The following ZBTB16 variants were observed in gnomAD, a reference collection of about 807,000 sequenced individuals.
ZBTB16 encodes the protein zinc finger and BTB domain-containing protein 16.
A neutral mutation model predicts 56.8 loss-of-function variants in ZBTB16; 8 were observed. The ratio of observed to expected loss-of-function variants is 0.14; its 90% CI spans 0.08 to 0.25. The LOEUF (loss-of-function observed/expected upper bound fraction) is 0.25, where lower values mean the gene tolerates loss of function less well. Among genes scored for constraint, ZBTB16 ranks in the 10% least tolerant of loss-of-function variants. ZBTB16 has a pLI of 1.00. For synonymous variants in ZBTB16, 363 were observed against 368.5 expected, an observed-to-expected ratio of 0.98 and a Z score of 0.17; for missense variants, 625 against 903.0, an observed-to-expected ratio of 0.69 and a Z score of 3.95.
At chr11:114,069,274 A>G (rs1041028370) in intron 2 of ZBTB16, among the ~76,000 whole-genome samples, 4 of 151,898 alleles carry the variant, frequency 2.6e-5, no homozygotes, top group Middle Eastern at 3.4e-3. Flanking sequence ...TTTAGTAGAG[A>G]CAGGGTTTCA....
chr11:114,156,478 ATCTCC>A, intron 3 of ZBTB16, 44 bp downstream of exon 3: 1 of 1,587,660 alleles, frequency 6.3e-7, no homozygotes, highest in Non-Finnish European at 8.6e-7. Flanking sequence ...ACAGGCAACC[ATCTCC>A]TGCTTGCCTT....
intron 2 of ZBTB16, among the ~76,000 whole-genome samples, chr11:114,080,989 C>T (rs1273001262): frequency 6.6e-6 from 1 of 152,132 alleles, no homozygotes; most frequent in African/African-American, 2.4e-5. Context: ...GCAGCATGCT[C>T]ATTTGGGAGG....
chr11:114,223,730 T>C (rs1944281471), intron 4 of ZBTB16, among the ~76,000 whole-genome samples: 1 of 152,104 alleles, frequency 6.6e-6, no homozygotes, highest in Non-Finnish European at 1.5e-5. Context: ...ATTGTTATAT[T>C]GGAGGTATAA....
At chr11:114,209,729 G>T in intron 4 of ZBTB16, 4 of 985,434 alleles carry the variant, frequency 4.1e-6, no homozygotes, top group Non-Finnish European at 4.8e-6. Context: ...AGGCCCCCAG[G>T]CATGTTCACC....
At chr11:114,183,103 G>C (rs987615698) in intron 3 of ZBTB16, among the ~76,000 whole-genome samples, 1 of 110,780 alleles carries the variant, frequency 9.0e-6, no homozygotes, top group African/African-American at 4.1e-5. Context: ...TGGAGAGCTG[G>C]GGGGGAAGTC....
At position 114,250,056 on chromosome 11, in the gene ZBTB16, A is replaced by G. The variant is rs568496931; in HGVS notation, c.1793-270A>G. On this transcript the variant is annotated intron_variant, in intron 6 of 6. Transcript: ENST00000335953. This position sits in a 1 kb window ranked among gnomAD's most constrained non-coding sequence, Gnocchi z 6.0. ...AGTAAGACAAGGAGCTGGGCAATCCAGTAGTCAACTAGCTACATGTAGCTA... is the reference window on the plus strand; with the variant it reads ...AGTAAGACAAGGAGCTGGGCAATCCGGTAGTCAACTAGCTACATGTAGCTA... Among the ~76,000 whole-genome samples, 1 of 152,346 alleles carries G rather than the reference A, an allele frequency of 6.6e-6. No homozygotes were observed. Among genetic ancestry groups the G allele is most frequent in the South Asian group, 2.1e-4 (1 of 4,830 alleles).
In ZBTB16 at chr11:114,166,341, G is replaced by T. The variant is rs2134992877; in HGVS notation, c.1366+9907G>T. On this transcript the variant is annotated intron_variant, in intron 3 of 6. Transcript: ENST00000335953. ...GAGCTTGCAGACTCATCCATTAAAT[G>T]AGGTTGGTGAAGATTGCAGGATTGG... Among the ~76,000 whole-genome samples the T allele has an allele frequency of 1.3e-5, 2 of 152,012 alleles. 1 individual carries two copies.
chr11:114,139,158 T>C (rs1039820529), intron 2 of ZBTB16, among the ~76,000 whole-genome samples: 1 of 152,232 alleles, frequency 6.6e-6, no homozygotes, highest in African/African-American at 2.4e-5. Flanking sequence ...AATGGACATC[T>C]AGGAACAGAG....
chr11:114,174,838 C>A (rs500629), intron 3 of ZBTB16, among the ~76,000 whole-genome samples: 111,318 of 152,010 alleles, frequency 0.73, 41,797 homozygotes, highest in African/African-American at 0.89. Flanking sequence ...ACCAGGAAGC[C>A]GTGCCATAGA....
Position 114,212,683 on chromosome 11 carries a change from G to A in ZBTB16, c.1453+25645G>A, listed in dbSNP as rs145930240. ...CCCGAAGCTGCTTTGGATGCCAAGT[G>A]AAGATAAATGTAATGATACCTTTGC... is the stretch of plus-strand genomic sequence containing the variant. On this transcript the variant is annotated intron_variant, in intron 4 of 6. Coordinates refer to ENST00000335953, the MANE Select transcript of ZBTB16 (RefSeq NM_006006.6). Among the ~76,000 whole-genome samples the A allele has an allele frequency of 6.8e-3, 1,038 of 152,272 alleles. 8 individuals carry two copies. Among genetic ancestry groups the A allele is most frequent in the Admixed American group, 0.012 (176 of 15,302 alleles).
intron 4 of ZBTB16, among the ~76,000 whole-genome samples, chr11:114,224,192 C>T (rs141005870): frequency 2.6e-5 from 4 of 152,244 alleles, no homozygotes; most frequent in African/African-American, 4.8e-5. Context: ...ATATTGCCAT[C>T]ATTTAGGCAA....
At chr11:114,154,285 AG>A (rs1218667802) in intron 2 of ZBTB16, among the ~76,000 whole-genome samples, 15 of 152,164 alleles carry the variant, frequency 9.9e-5, no homozygotes, top group Non-Finnish European at 1.6e-4. Context: ...ACCCTTCAGA[AG>A]TGGGCACTCC....
At chr11:114,235,863 A>G (rs1198374112) in intron 4 of ZBTB16, among the ~76,000 whole-genome samples, 2 of 148,982 alleles carry the variant, frequency 1.3e-5, no homozygotes, top group African/African-American at 5.0e-5. Context: ...CCCTGTAGTC[A>G]AAACTGGCAG....
chr11:114,186,920 CT>C, intron 3 of ZBTB16, 31 bp from the exon 4 acceptor site: 1 of 1,607,802 alleles, frequency 6.2e-7, no homozygotes, highest in South Asian at 1.1e-5. Context: ...TGGACTATTG[CT>C]CTAGTGGTAA....
intron 2 of ZBTB16, among the ~76,000 whole-genome samples, chr11:114,129,208 G>A (rs144206653): frequency 6.6e-6 from 1 of 152,308 alleles, no homozygotes; most frequent in East Asian, 1.9e-4. Context: ...TTTTCTGGCT[G>A]TAAAAAGCTG....
chr11:114,203,705 T>C (rs1313502570), intron 4 of ZBTB16, among the ~76,000 whole-genome samples: 1 of 152,212 alleles, frequency 6.6e-6, no homozygotes, highest in African/African-American at 2.4e-5. Flanking sequence ...CAACCTCCTA[T>C]ACCTGCGGCA....
chr11:114,136,229 A>T (rs1174069185), intron 2 of ZBTB16, among the ~76,000 whole-genome samples: 2 of 152,194 alleles, frequency 1.3e-5, no homozygotes, highest in African/African-American at 4.8e-5. Context: ...TTCTCCTAGA[A>T]GTGTTAAAAA....
At chr11:114,170,502 C>T (rs1455949082) in intron 3 of ZBTB16, among the ~76,000 whole-genome samples, 1 of 152,206 alleles carries the variant, frequency 6.6e-6, no homozygotes, top group African/African-American at 2.4e-5. Flanking sequence ...TGGCTCTCTC[C>T]AGGATTCAAC....
chr11:114,161,762 C>T (rs665731), intron 3 of ZBTB16, among the ~76,000 whole-genome samples: 39,153 of 152,026 alleles, frequency 0.26, 6,244 homozygotes, highest in African/African-American at 0.44. Flanking sequence ...CACTGAAGGA[C>T]TGAGTAAGAG....
Sources: gnomAD v4.1 joint callset for allele counts (sites outside exome capture counted in the v4.1 genomes callset) on GRCh38, gnomAD v4.1.1 for gene constraint, Gnocchi (gnomAD v3.1) non-coding constraint, MANE v1.5 for transcripts, NCBI Gene and HGNC (gene_info 2026-07-23, HGNC 2026-07-21) for gene names.